RSF1: variants seen among roughly 807,000 people sequenced by gnomAD.
The protein encoded by RSF1 is HBV pX-associated protein 8.
Under a neutral mutation model 145.2 loss-of-function variants are expected in RSF1, and 13 were observed. The ratio of observed to expected loss-of-function variants is 0.09; its 90% CI spans 0.06 to 0.14. RSF1 has a LOEUF of 0.14. RSF1 is among the 10% of genes least tolerant of loss of function. The probability of loss-of-function intolerance (pLI) is 1.00; values close to 1 mark genes in which losing one functional copy is unlikely to be tolerated. For missense variants in RSF1, 1,517 were observed against 1,718.2 expected, an observed-to-expected ratio of 0.88 and a Z score of 2.07; for synonymous variants, 577 against 592.6, an observed-to-expected ratio of 0.97 and a Z score of 0.38.
Position 77,678,093 on chromosome 11 carries a change from A to G in RSF1, c.3126T>C (p.Asp1042=). ...EAIEDDIKEA[D]GGGVGRGKDI... is the part of the protein sequence containing the mutation. ...AGAACGACAAACACATACCTCCTCC[A>G]TCGGCTTCTTTGATGTCATCTTCAA... Residue 1042 remains aspartate, a synonymous_variant, in exon 12 of 16, where the codon GAT becomes GAC. Transcript: ENST00000308488. 1 of 1,611,664 alleles carries G rather than the reference A, an allele frequency of 6.2e-7. No homozygotes were observed. Among genetic ancestry groups the G allele is most frequent in the East Asian group, 2.2e-5 (1 of 44,810 alleles).
the RSF1 span, among the ~76,000 whole-genome samples, chr11:77,854,696 G>A: frequency 1.1e-4 from 16 of 152,266 alleles, no homozygotes; most frequent in Non-Finnish European, 7.4e-5. Context: ...GTGCCTGCGG[G>A]TTTTCCAGGT....
chr11:77,864,102 T>C, the RSF1 span, among the ~76,000 whole-genome samples: 1 of 151,644 alleles, frequency 6.6e-6, no homozygotes, highest in Non-Finnish European at 1.5e-5. Context: ...AATTTTGGTA[T>C]TTTTAGTAGA....
chr11:77,749,060 C>A (rs1490923007), intron 2 of RSF1, among the ~76,000 whole-genome samples: 1 of 152,106 alleles, frequency 6.6e-6, no homozygotes, highest in Admixed American at 6.5e-5. Flanking sequence ...ACACAAAAGG[C>A]CACATATTGC....
intron 1 of RSF1, among the ~76,000 whole-genome samples, chr11:77,800,302 A>C (rs1590894650): frequency 6.6e-6 from 1 of 151,086 alleles, no homozygotes; most frequent in African/African-American, 2.4e-5. Flanking sequence ...GACCAGCCTG[A>C]CCAACATGGT....
Position 77,700,994 on chromosome 11 carries a change from C to A in RSF1, c.2235G>T (p.Lys745Asn), listed in dbSNP as rs1469884589. The change falls in exon 6 of 16, where the codon AAG becomes AAT. Residue 745 changes from lysine to asparagine, a missense_variant. Coordinates refer to ENST00000308488, the MANE Select transcript of RSF1 (RefSeq NM_016578.4). Reference protein sequence around the residue: ...LTIRISSRKKKPDSPPKVLEP... With the variant: ...LTIRISSRKKNPDSPPKVLEP... ...CTAGAACTTTGGGGGGAGAATCGGG[C>A]TTCTTTTTCCGACTTGATATCCTGA... 3 of 1,613,430 alleles carry A rather than the reference C, an allele frequency of 1.9e-6. No individual in the cohort carries two copies. The highest frequency in any genetic ancestry group is 3.3e-5 in the Admixed American group (2 of 59,982).
At chr11:77,730,402 T>G (rs375808938) in intron 4 of RSF1, among the ~76,000 whole-genome samples, 4 of 152,316 alleles carry the variant, frequency 2.6e-5, no homozygotes, top group South Asian at 4.1e-4. Flanking sequence ...ATTCACATAC[T>G]GTAAAATAAA....
At chr11:77,752,268 T>C (rs755655835) in intron 2 of RSF1, among the ~76,000 whole-genome samples, 6 of 152,200 alleles carry the variant, frequency 3.9e-5, no homozygotes, top group Non-Finnish European at 7.3e-5. Flanking sequence ...AGAAAAGGGC[T>C]ACCTGGGGGC....
intron 4 of RSF1, among the ~76,000 whole-genome samples, chr11:77,730,117 C>A (rs746170737): frequency 6.6e-6 from 1 of 151,876 alleles, no homozygotes; most frequent in Non-Finnish European, 1.5e-5. Context: ...CATTTTATGA[C>A]TGAGGAAACT....
chr11:77,762,089 G>C (rs7938302), intron 2 of RSF1: 24 of 125,920 alleles, frequency 1.9e-4, no homozygotes, highest in African/African-American at 7.6e-4. Flanking sequence ...GGCTGGTCTC[G>C]AACTCCTGAG....
chr11:77,693,258 CT>C (rs1284943814), intron 8 of RSF1, among the ~76,000 whole-genome samples: 1 of 151,922 alleles, frequency 6.6e-6, no homozygotes, highest in Non-Finnish European at 1.5e-5. Flanking sequence ...GCTTTTTGTG[CT>C]TTTAACAAAT....
chr11:77,778,535 C>G (rs751747060), intron 1 of RSF1, among the ~76,000 whole-genome samples: 1 of 151,962 alleles, frequency 6.6e-6, no homozygotes, highest in Non-Finnish European at 1.5e-5. Flanking sequence ...ACATATGCTC[C>G]CTCTTCTCTC....
intron 7 of RSF1, among the ~76,000 whole-genome samples, chr11:77,697,656 A>ATC (rs1189426571): frequency 6.7e-6 from 1 of 150,356 alleles, no homozygotes; most frequent in African/African-American, 2.4e-5. Context: ...TTTGGAATAT[A>ATC]TCTGGTCTAC....
intron 2 of RSF1, among the ~76,000 whole-genome samples, chr11:77,761,507 A>G (rs562447997): frequency 1.9e-4 from 29 of 151,940 alleles, no homozygotes; most frequent in Non-Finnish European, 3.4e-4. Context: ...AGGTCTTCAC[A>G]TGGCTGTCTT....
intron 9 of RSF1, 62 bp from the exon 10 acceptor site, chr11:77,685,221 A>G: frequency 1.1e-6 from 1 of 936,236 alleles, no homozygotes; most frequent in South Asian, 1.7e-5. Flanking sequence ...TTATGTAAAC[A>G]TCACGAATAC....
At chr11:77,813,503 G>C in intron 1 of RSF1, 1 of 876,780 alleles carries the variant, frequency 1.1e-6, no homozygotes, top group Non-Finnish European at 1.9e-6. Context: ...TCAAAGTCTT[G>C]GTAGGTATTC....
At chr11:77,770,205 G>A (rs1368235560) in intron 1 of RSF1, among the ~76,000 whole-genome samples, 3 of 152,226 alleles carry the variant, frequency 2.0e-5, no homozygotes, top group Admixed American at 2.0e-4. Context: ...GCTCGTGCCT[G>A]TAATCCCAGC....
Position 77,671,138 on chromosome 11 carries a change from AATATATATATATATATATATAT to A in RSF1, c.3751+882_3751+903del, listed in dbSNP as rs1225103987. ...AAAAAAAAAAAAAAAAAAAAAAAAAAATATATATATATATATATATATATATATATATATATATATTTATATG... is the reference window on the plus strand; with the variant it reads ...AAAAAAAAAAAAAAAAAAAAAAAAAAATATATATATATATATATTTATATG... On this transcript the variant is annotated intron_variant, in intron 15 of 15. Coordinates refer to ENST00000308488, the MANE Select transcript of RSF1 (RefSeq NM_016578.4). Among the ~76,000 whole-genome samples, 198 of 22,040 alleles carry A rather than the reference AATATATATATATATATATATAT, an allele frequency of 9.0e-3. 10 individuals are homozygous for A. The highest frequency in any genetic ancestry group is 0.034 in the South Asian group (12 of 358). 14.5% of individuals were successfully genotyped at this position (22,040 alleles called of 152,430 possible).
chr11:77,869,607 T>C, the RSF1 span: 3 of 1,033,954 alleles, frequency 2.9e-6, no homozygotes, highest in Admixed American at 1.9e-5. Context: ...TGAGTGATGC[T>C]TGGCACAAAG....
At chr11:77,788,879 A>C (rs1948488304) in intron 1 of RSF1, among the ~76,000 whole-genome samples, 2 of 152,218 alleles carry the variant, frequency 1.3e-5, no homozygotes. Context: ...TAGATCACCC[A>C]AGAGATAGAT....
Sources: allele counts gnomAD v4.1 joint callset (sites outside exome capture counted in the v4.1 genomes callset), GRCh38; gene constraint gnomAD v4.1.1; transcripts MANE v1.5; gene names NCBI Gene and HGNC (gene_info 2026-07-23, HGNC 2026-07-21).